Variants in EIF4E3 observed in about 807,000 individuals in gnomAD.
The protein encoded by EIF4E3 is eukaryotic translation initiation factor 4E family member 3.
A neutral mutation model predicts 31.7 loss-of-function variants in EIF4E3; 26 were observed. The observed-to-expected ratio is 0.82, with a 90% CI of 0.60 to 1.14. The LOEUF is 1.14. Ranked by LOEUF, EIF4E3 falls within the 50% of genes most tolerant of loss-of-function variation. The pLI, the probability that EIF4E3 is intolerant of heterozygous loss-of-function variation, is 0.00. For synonymous variants in EIF4E3, 128 were observed against 107.7 expected, an observed-to-expected ratio of 1.19 and a Z score of -1.17; for missense variants, 304 against 270.9, an observed-to-expected ratio of 1.12 and a Z score of -0.86.
At chr3:71,692,571 A>G (rs2049077362) in intron 5 of EIF4E3, among the ~76,000 whole-genome samples, 1 of 151,640 alleles carries the variant, frequency 6.6e-6, no homozygotes, top group African/African-American at 2.4e-5. Context: ...CTGTACTTAT[A>G]GACAAATTTA....
chr3:71,724,585 A>G (rs2049601168), intron 1 of EIF4E3, among the ~76,000 whole-genome samples: 1 of 152,186 alleles, frequency 6.6e-6, no homozygotes, highest in Non-Finnish European at 1.5e-5. Context: ...CTCATTATTG[A>G]ATCTCCAGCG....
chr3:71,735,135 C>G (rs1578384634), intron 1 of EIF4E3, among the ~76,000 whole-genome samples: 1 of 152,132 alleles, frequency 6.6e-6, no homozygotes, highest in African/African-American at 2.4e-5. Flanking sequence ...ATGACGTTCC[C>G]CATCTAACTA....
At chr3:71,660,914 G>A in the EIF4E3 span, among the ~76,000 whole-genome samples, 1 of 151,930 alleles carries the variant, frequency 6.6e-6, no homozygotes, top group East Asian at 1.9e-4. Context: ...GAGGGCCTGG[G>A]GCTCTGAAGC....
chr3:71,698,815 T>C (rs2049175268), intron 3 of EIF4E3, among the ~76,000 whole-genome samples: 1 of 152,228 alleles, frequency 6.6e-6, no homozygotes, highest in Non-Finnish European at 1.5e-5. Context: ...AGAGTAATTC[T>C]GGTGGGGACC....
the EIF4E3 span, among the ~76,000 whole-genome samples, chr3:71,659,898 G>A: frequency 2.0e-5 from 3 of 152,190 alleles, no homozygotes; most frequent in African/African-American, 4.8e-5. Context: ...ATTACTGGGA[G>A]GAGGCCAAAG....
At chr3:71,754,373 C>T (rs1166806146), upstream of EIF4E3, 4 of 1,332,968 alleles carry the variant, frequency 3.0e-6, no homozygotes, top group Admixed American at 7.9e-5. The surrounding 1 kb of genome is among the most constrained non-coding windows in gnomAD (Gnocchi z 5.8). Context: ...TCTGCTTCCA[C>T]GCCGCCTTCC....
the EIF4E3 span, among the ~76,000 whole-genome samples, chr3:71,665,077 G>A: frequency 6.6e-6 from 1 of 152,052 alleles, no homozygotes; most frequent in African/African-American, 2.4e-5. Context: ...CTGCAATGAG[G>A]CAGCCCTGAT....
chr3:71,663,328 C>A, the EIF4E3 span, among the ~76,000 whole-genome samples: 1 of 152,092 alleles, frequency 6.6e-6, no homozygotes, highest in East Asian at 1.9e-4. Flanking sequence ...AAAGCTGTAA[C>A]ACAGAAAGTA....
chr3:71,745,125 G>A (rs1230865249), intron 1 of EIF4E3, among the ~76,000 whole-genome samples: 4 of 152,214 alleles, frequency 2.6e-5, no homozygotes, highest in Non-Finnish European at 5.9e-5. Flanking sequence ...ATAAAAATCT[G>A]TCTGCCTTAT....
Position 71,725,124 on chromosome 3 carries a change from G to C in EIF4E3, c.176+68C>G. 2.0e-6 allele frequency: 2 copies of C among 1,006,822 alleles called. No homozygotes were observed. Among genetic ancestry groups the C allele is most frequent in the Non-Finnish European group, 2.4e-6 (2 of 842,000 alleles). 62.4% of individuals were successfully genotyped at this position (1,006,822 alleles called of 1,614,324 possible). On this transcript the variant is annotated intron_variant, in intron 1 of 6. Transcript: ENST00000425534. The surrounding 1 kb of genome is among the most constrained non-coding windows in gnomAD (Gnocchi z 6.1). ...CGGGGCCGGGGCGAGGGGCCGCGCC[G>C]AGACAAAGCGGCGGTGGCGGCAGGA...
chr3:71,695,738 A>C (rs948023531), intron 4 of EIF4E3, among the ~76,000 whole-genome samples: 1 of 152,218 alleles, frequency 6.6e-6, no homozygotes, highest in South Asian at 2.1e-4. Context: ...GCTTATCCAC[A>C]TGAAAGAAAC....
intron 2 of EIF4E3, among the ~76,000 whole-genome samples, chr3:71,704,400 C>A (rs897436146): frequency 2.0e-5 from 3 of 152,202 alleles, no homozygotes; most frequent in African/African-American, 7.2e-5. Context: ...CAGAAAAGGC[C>A]CTCATTCCTA....
At chr3:71,696,719 AT>A (rs151225724) in intron 3 of EIF4E3, among the ~76,000 whole-genome samples, 199 bp from the exon 4 acceptor site, 236 of 141,054 alleles carry the variant, frequency 1.7e-3, no homozygotes, top group Middle Eastern at 0.014. Context: ...GTATATCTGA[AT>A]TTTTTTTTTT....
At chr3:71,696,549 C>T in intron 3 of EIF4E3, 29 bp from the exon 4 acceptor site, 2 of 1,613,208 alleles carry the variant, frequency 1.2e-6, no homozygotes, top group South Asian at 1.1e-5. Flanking sequence ...TTTAAAGTTA[C>T]ACTCAGGACT....
At chr3:71,686,879 C>T (rs2048999570) in intron 6 of EIF4E3, among the ~76,000 whole-genome samples, 1 of 152,082 alleles carries the variant, frequency 6.6e-6, no homozygotes. Flanking sequence ...CCTTAGGTTA[C>T]CTTGGGTAGA....
intron 3 of EIF4E3, among the ~76,000 whole-genome samples, chr3:71,698,101 G>A (rs1357305945): frequency 6.6e-6 from 1 of 152,186 alleles, no homozygotes; most frequent in Non-Finnish European, 1.5e-5. Flanking sequence ...TTGGATAAAA[G>A]CCATTTTAAC....
intron 1 of EIF4E3, among the ~76,000 whole-genome samples, chr3:71,724,551 C>A (rs538384503): frequency 6.6e-6 from 1 of 152,190 alleles, no homozygotes; most frequent in African/African-American, 2.4e-5. Context: ...TAATTCACCC[C>A]CTTCCTGACA....
chr3:71,736,872 G>A (rs1322786858), intron 1 of EIF4E3, among the ~76,000 whole-genome samples: 2 of 152,146 alleles, frequency 1.3e-5, no homozygotes, highest in African/African-American at 4.8e-5. Flanking sequence ...GGTGTGGCAT[G>A]TTGATAATGG....
chr3:71,694,466 T>G (rs1578340532), intron 4 of EIF4E3, among the ~76,000 whole-genome samples: 1 of 152,248 alleles, frequency 6.6e-6, no homozygotes, highest in Non-Finnish European at 1.5e-5. Context: ...GCAGACTGTT[T>G]ATGGCAGGCG....
Sources: gnomAD v4.1 joint callset for allele counts (sites outside exome capture counted in the v4.1 genomes callset) on GRCh38, gnomAD v4.1.1 for gene constraint, Gnocchi (gnomAD v3.1) non-coding constraint, MANE v1.5 for transcripts, NCBI Gene and HGNC (gene_info 2026-07-23, HGNC 2026-07-21) for gene names.